Variants in DENND2D observed in about 807,000 individuals in gnomAD.
The protein encoded by DENND2D is DENN domain containing 2D.
DENND2D carries 37 observed loss-of-function variants against 59.8 expected under a neutral mutation model. That is an observed-to-expected ratio of 0.62 (90% CI 0.48 to 0.81). DENND2D has a LOEUF of 0.81. DENND2D is among the 40% of genes least tolerant of loss of function. The probability of loss-of-function intolerance (pLI) is 0.00; values close to 1 mark genes in which losing one functional copy is unlikely to be tolerated. For synonymous variants in DENND2D, 219 were observed against 211.3 expected (o/e 1.04, Z -0.31); for missense variants, 525 against 579.7 (o/e 0.91, Z 0.97).
At chr1:111,204,376 C>A, upstream of DENND2D, 1 of 1,402,128 alleles carries the variant, frequency 7.1e-7, no homozygotes, top group Non-Finnish European at 9.2e-7. Flanking sequence ...GCCCGGCTCC[C>A]GCTCCCAGCT....
chr1:111,199,900 C>T lies in DENND2D; in HGVS notation c.68-102G>A, dbSNP rs76299475. 103 of 1,431,994 alleles carry T rather than the reference C, an allele frequency of 7.2e-5. No homozygotes were observed. The East Asian group carries it at 2.4e-3, about 33-fold the overall frequency. The allele number at this position is 1,431,994 out of a possible 1,614,324, so 88.7% of individuals were successfully genotyped here. On this transcript the variant is annotated intron_variant, in intron 1 of 11. Coordinates refer to ENST00000357640, the MANE Select transcript of DENND2D (RefSeq NM_024901.5). ...ACCTCCACACCTCAAGGCCGCCTTG[C>T]CAATGCTGAGATACCTGGATACTGG...
rs1282607831 is a variant in DENND2D at position 111,186,186 on chromosome 1, G to A, written c.*1419C>T. Reference sequence around the variant, plus strand: ...AGGTCCTATCACTAGAGATGATTTGGTGTATTTGTGATGAGGCATAAGAGG... The same window carrying A: ...AGGTCCTATCACTAGAGATGATTTGATGTATTTGTGATGAGGCATAAGAGG... On this transcript the variant is annotated 3_prime_UTR_variant, in exon 12 of 12. Coordinates refer to ENST00000357640, the MANE Select transcript of DENND2D (RefSeq NM_024901.5). Among the ~76,000 whole-genome samples the A allele has an allele frequency of 6.6e-6, 1 of 152,156 alleles. No individual in the cohort carries two copies. Among genetic ancestry groups the A allele is most frequent in the Non-Finnish European group, 1.5e-5 (1 of 68,028 alleles).
In DENND2D at chr1:111,188,364, T is replaced by A. The variant is rs1156985190; in HGVS notation, c.1106A>T (p.Glu369Val). Residue 369 changes from glutamate to valine, a missense_variant, in exon 11 of 12, where the codon GAA becomes GTA. Around this residue, in one of 3 missense-constraint regions of DENND2D, gnomAD observed 225 missense variants for 252.4 expected, o/e 0.89. Transcript: ENST00000357640. ...GCCTGAAACATGCTCGTTGATTTGT[T>A]CTGCAGCTGCAGGAGATATAAAGGC... ...GQGINELKTAEQINEHVSGPF... is the reference protein window; with the variant it reads ...GQGINELKTAVQINEHVSGPF... The A allele has an allele frequency of 3.7e-6, 6 of 1,613,434 alleles. No homozygotes were observed. Among genetic ancestry groups the A allele is most frequent in the Non-Finnish European group, 5.1e-6 (6 of 1,179,842 alleles).
chr1:111,188,505 G>A, intron 10 of DENND2D, 135 bp from the exon 11 acceptor site: 1 of 1,347,600 alleles, frequency 7.4e-7, no homozygotes, highest in Non-Finnish European at 1.0e-6. Flanking sequence ...ATTACTGACT[G>A]AGATGGGAAT....
chr1:111,197,504 G>A (rs1311296125), intron 4 of DENND2D: 6 of 1,403,706 alleles, frequency 4.3e-6, no homozygotes, highest in African/African-American at 1.4e-5. Flanking sequence ...GGTAGCAAGT[G>A]TGCCTTAGAG....
chr1:111,194,273 G>A (rs1041199754), intron 7 of DENND2D, among the ~76,000 whole-genome samples: 1 of 152,110 alleles, frequency 6.6e-6, no homozygotes. Context: ...AGCCTTGCAA[G>A]GGCAGAATCA....
At chr1:111,197,801 C>A (rs1041172193) in intron 4 of DENND2D, 119 bp downstream of exon 4, 3 of 1,523,452 alleles carry the variant, frequency 2.0e-6, no homozygotes, top group African/African-American at 2.8e-5. Flanking sequence ...CTGGGCTGTG[C>A]TTTTTCTACA....
chr1:111,203,440 T>A (rs989675599), upstream of DENND2D, among the ~76,000 whole-genome samples: 2 of 152,208 alleles, frequency 1.3e-5, no homozygotes, highest in African/African-American at 4.8e-5. Context: ...GCAAAGTATC[T>A]AAGGGTCACG....
chr1:111,190,070 A>G (rs1009013461), intron 8 of DENND2D, among the ~76,000 whole-genome samples: 1 of 150,366 alleles, frequency 6.7e-6, no homozygotes, highest in South Asian at 2.1e-4. Context: ...AGGCTGAGGC[A>G]GGAGAATGGC....
upstream of DENND2D, among the ~76,000 whole-genome samples, chr1:111,202,725 A>ACACACACTCC (rs1315861220): frequency 5.4e-5 from 8 of 149,076 alleles, no homozygotes; most frequent in Admixed American, 3.3e-4. Context: ...ACACACACAC[A>ACACACACTCC]CTCCCTCCTA....
upstream of DENND2D, among the ~76,000 whole-genome samples, chr1:111,202,987 C>G (rs1658960268): frequency 6.6e-6 from 1 of 152,194 alleles, no homozygotes. Flanking sequence ...CCCTTCCATT[C>G]ACACAGATGT....
At position 111,188,178 on chromosome 1, in the gene DENND2D, A is replaced by G; in HGVS notation, c.1292T>C (p.Phe431Ser). Residue 431 changes from phenylalanine (F) to serine (S), a missense_variant, in exon 11 of 12, where the codon TTC (phenylalanine) becomes TCC (serine). Physicochemically the swap from Phe to Ser is radical, Grantham distance 155 (BLOSUM62 -2). Coordinates refer to ENST00000357640, the MANE Select transcript of DENND2D (RefSeq NM_024901.5). ...CTCGGCTTCCTGGATGAAAAGTGAGAAGAGCTGTGTCTTCACAAACTTCTT... is the reference window on the plus strand; with the variant it reads ...CTCGGCTTCCTGGATGAAAAGTGAGGAGAGCTGTGTCTTCACAAACTTCTT... The part of the protein sequence containing the change: ...FVKKFVKTQL[F>S]SLFIQEAEKS... 1 of 1,614,096 alleles carries G rather than the reference A, an allele frequency of 6.2e-7. No homozygotes were observed. The highest frequency in any genetic ancestry group is 8.5e-7 in the Non-Finnish European group (1 of 1,180,012).
chr1:111,193,980 C>G lies in DENND2D; in HGVS notation c.794+598G>C, dbSNP rs1657993409. Among the ~76,000 whole-genome samples the G allele has an allele frequency of 2.0e-5, 3 of 152,212 alleles. No homozygotes were observed. The South Asian group carries it at 6.2e-4, about 31-fold the overall frequency. ...TTATTTCATTTAATCCTCACCACAA[C>G]CTTATGAGGTAATCACAATCATTAT... On this transcript the variant is annotated intron_variant, in intron 7 of 11. Transcript: ENST00000357640.
At chr1:111,196,274 C>T in intron 5 of DENND2D, 2 of 466,564 alleles carry the variant, frequency 4.3e-6, no homozygotes, top group Non-Finnish European at 7.5e-6. Flanking sequence ...TAAGACCTGC[C>T]TTCTTCCAGC....
upstream of DENND2D, chr1:111,204,413 T>G: frequency 7.5e-7 from 1 of 1,333,926 alleles, no homozygotes; most frequent in Middle Eastern, 2.2e-4. Context: ...CCCCTATCCT[T>G]GACCTCCGCG....
At chr1:111,202,252 G>A (rs1411288877), upstream of DENND2D, 2 of 152,140 alleles carry the variant, frequency 1.3e-5, no homozygotes. Flanking sequence ...CAAGCCAAGA[G>A]AATAGCAAAA....
Position 111,198,701 on chromosome 1 carries a change from C to T in DENND2D, c.285G>A (p.Arg95=). ...LLRGQQEEEE[R]LLKAIPLFCF... Reference sequence around the variant, plus strand: ...AGAACAAGGGGATAGCTTTGAGCAGCCGCTCCTCCTCCTCCTGCTGACCCC... The same window carrying T: ...AGAACAAGGGGATAGCTTTGAGCAGTCGCTCCTCCTCCTCCTGCTGACCCC... The change falls in exon 3 of 12, where the codon CGG becomes CGA. Residue 95 remains arginine, a synonymous_variant. Coordinates refer to ENST00000357640, the MANE Select transcript of DENND2D (RefSeq NM_024901.5). 1.2e-6 allele frequency: 2 copies of T among 1,614,168 alleles called. No individual in the cohort carries two copies. The highest frequency in any genetic ancestry group is 2.2e-5 in the East Asian group (1 of 44,882).
intron 10 of DENND2D, 74 bp downstream of exon 10, chr1:111,188,628 G>T: frequency 7.1e-7 from 1 of 1,404,646 alleles, no homozygotes; most frequent in Non-Finnish European, 1.0e-6. Context: ...GTTCATTTTA[G>T]TTCTGGAAGG....
In DENND2D at chr1:111,188,277, G is replaced by A; in HGVS notation, c.1193C>T (p.Ala398Val). ...TTCTTGGAAGTGGCCTTGCCCATTT[G>A]CCTCCCGCTTGATATAGGAAGCATA... ...GHYASYIKRE[A>V]NGQGHFQERS... The change falls in exon 11 of 12, where the codon GCA (alanine) becomes GTA (valine). Residue 398 changes from alanine to valine, a missense_variant. Physicochemically the swap from Ala to Val is moderately conservative, Grantham distance 64. Around this residue, in one of 3 missense-constraint regions of DENND2D, gnomAD observed 225 missense variants for 252.4 expected, o/e 0.89. Coordinates refer to ENST00000357640, the MANE Select transcript of DENND2D (RefSeq NM_024901.5). 1 of 1,614,186 alleles carries A rather than the reference G, an allele frequency of 6.2e-7. No homozygotes were observed. The highest frequency in any genetic ancestry group is 1.7e-5 in the Admixed American group (1 of 60,026).
Sources: gnomAD v4.1 joint callset for allele counts (sites outside exome capture counted in the v4.1 genomes callset) on GRCh38, gnomAD v4.1.1 for gene constraint, gnomAD v4.1.1 regional missense constraint, MANE v1.5 for transcripts, NCBI Gene and HGNC (gene_info 2026-07-23, HGNC 2026-07-21) for gene names.